DIP2C: variants seen among roughly 807,000 people sequenced by gnomAD.
DIP2C encodes the protein disco-interacting protein 2 homolog C.
DIP2C carries 33 observed loss-of-function variants against 192.4 expected under a neutral mutation model. The ratio of observed to expected loss-of-function variants is 0.17; its 90% CI spans 0.13 to 0.23. The LOEUF is 0.23. Among genes scored for constraint, DIP2C ranks in the 10% least tolerant of loss-of-function variants. The probability of loss-of-function intolerance (pLI) is 1.00; values close to 1 mark genes in which losing one functional copy is unlikely to be tolerated. For synonymous variants in DIP2C, 979 were observed against 864.1 expected (o/e 1.13, Z -2.33); for missense variants, 1,537 against 2,110.1 (o/e 0.73, Z 5.32).
chr10:393,210 G>T (rs1963637861), intron 10 of DIP2C, among the ~76,000 whole-genome samples: 1 of 152,138 alleles, frequency 6.6e-6, no homozygotes, highest in African/African-American at 2.4e-5. Flanking sequence ...TTCTCATCAG[G>T]GTCTTTATTC....
chr10:524,466 C>A (rs1846927304), intron 1 of DIP2C, among the ~76,000 whole-genome samples: 1 of 152,096 alleles, frequency 6.6e-6, no homozygotes, highest in African/African-American at 2.4e-5. Flanking sequence ...TATATACATG[C>A]TTATTTTCCT....
chr10:590,995 T>C (rs1851369085), intron 1 of DIP2C, among the ~76,000 whole-genome samples: 1 of 152,230 alleles, frequency 6.6e-6, no homozygotes, highest in Admixed American at 6.5e-5. Context: ...GGGTGGCACA[T>C]TGGTTCTGAC....
Position 369,480 on chromosome 10 carries a change from C to A in DIP2C, c.2131+14G>T. 3.3e-6 allele frequency: 5 copies of A among 1,527,202 alleles called. No homozygotes were observed. Among genetic ancestry groups the A allele is most frequent in the Non-Finnish European group, 4.4e-6 (5 of 1,135,676 alleles). 94.6% of individuals were successfully genotyped at this position (1,527,202 alleles called of 1,614,324 possible). On this transcript the variant is annotated intron_variant, in intron 18 of 36. Transcript: ENST00000280886. ...ATAACTGGTTAATCTGTGCAGCTCG[C>A]GACCCACACTCACCTCCAGGCATCA...
intron 3 of DIP2C, among the ~76,000 whole-genome samples, chr10:466,239 C>G (rs545490037): frequency 1.3e-5 from 2 of 151,520 alleles, no homozygotes; most frequent in Admixed American, 6.6e-5. Flanking sequence ...ATGCCACATA[C>G]CTACAACTAT....
Position 652,944 on chromosome 10 carries a change from A to C in DIP2C, c.85+36550T>G, listed in dbSNP as rs1856037800. On this transcript the variant is annotated intron_variant, in intron 1 of 36. Coordinates refer to ENST00000280886, the MANE Select transcript of DIP2C (RefSeq NM_014974.3). This position sits in a 1 kb window ranked among gnomAD's most constrained non-coding sequence, Gnocchi z 4.5. ...CGCAGCAGCCACACACTGAGCCATAAACCCTCGCAAGACTGTGGGCATCTC... is the reference window on the plus strand; with the variant it reads ...CGCAGCAGCCACACACTGAGCCATACACCCTCGCAAGACTGTGGGCATCTC... Among the ~76,000 whole-genome samples the C allele has an allele frequency of 6.6e-6, 1 of 151,890 alleles. No homozygotes were observed. The highest frequency in any genetic ancestry group is 6.6e-5 in the Admixed American group (1 of 15,258).
At chr10:287,157 G>C (rs1403627563) in intron 33 of DIP2C, among the ~76,000 whole-genome samples, 3 of 151,920 alleles carry the variant, frequency 2.0e-5, no homozygotes, top group Admixed American at 6.6e-5. Flanking sequence ...GGCTGGAGTG[G>C]CATGATCACA....
chr10:653,294 C>A (rs536656486), intron 1 of DIP2C, among the ~76,000 whole-genome samples: 1 of 151,860 alleles, frequency 6.6e-6, no homozygotes, highest in African/African-American at 2.4e-5. Flanking sequence ...ACTAAAAATA[C>A]AAAATTAGCT....
At chr10:435,283 G>T (rs914950123) in intron 4 of DIP2C, among the ~76,000 whole-genome samples, 1 of 152,184 alleles carries the variant, frequency 6.6e-6, no homozygotes, top group Non-Finnish European at 1.5e-5. Context: ...TAGTTAACTA[G>T]CTTCTCTGGA....
chr10:513,558 C>T (rs916291619), intron 1 of DIP2C, among the ~76,000 whole-genome samples: 124 of 152,164 alleles, frequency 8.1e-4, no homozygotes, highest in Non-Finnish European at 2.1e-4. Flanking sequence ...CACCGTGCCA[C>T]ACCGCGGTCC....
At position 321,111 on chromosome 10, in the gene DIP2C, T is replaced by G. The variant is rs150288770; in HGVS notation, c.3924+5895A>C. 2.1e-3 allele frequency among the ~76,000 whole-genome samples: 321 copies of G among 152,312 alleles called. 1 individual carries two copies. Among genetic ancestry groups the G allele is most frequent in the African/African-American group, 6.9e-3 (286 of 41,572 alleles). ...GATGGTGGGAGGACCAGAGTGCCACTGATAGAGCCGATTTTTGCAAAGTAA... is the reference window on the plus strand; with the variant it reads ...GATGGTGGGAGGACCAGAGTGCCACGGATAGAGCCGATTTTTGCAAAGTAA... On this transcript the variant is annotated intron_variant, in intron 31 of 36. Transcript: ENST00000280886.
intron 29 of DIP2C, among the ~76,000 whole-genome samples, chr10:335,016 A>G (rs1350966825): frequency 3.3e-5 from 5 of 152,352 alleles, no homozygotes; most frequent in South Asian, 2.1e-4. Flanking sequence ...TTGAACCTAT[A>G]AAGCAATGTG....
intron 5 of DIP2C, among the ~76,000 whole-genome samples, chr10:419,664 G>A (rs1248818838): frequency 2.6e-5 from 4 of 152,168 alleles, no homozygotes; most frequent in African/African-American, 4.8e-5. Context: ...GAACAGTAAT[G>A]GCCATGACCG....
chr10:511,560 A>C (rs1266163489), intron 1 of DIP2C, among the ~76,000 whole-genome samples: 2 of 152,170 alleles, frequency 1.3e-5, no homozygotes, highest in African/African-American at 4.8e-5. Context: ...TTCCAGGTTC[A>C]TTTTACCCAT....
chr10:434,355 C>T (rs1026711543), intron 4 of DIP2C, among the ~76,000 whole-genome samples: 11 of 152,232 alleles, frequency 7.2e-5, no homozygotes, highest in East Asian at 5.8e-4. Flanking sequence ...TATAGCTCAC[C>T]GCAGCCTTGA....
rs33930610 is a variant in DIP2C, at chr10:548,208, A to ACCCCC, written c.86-61683_86-61679dup. 3.4e-4 allele frequency among the ~76,000 whole-genome samples: 20 copies of ACCCCC among 58,276 alleles called. 1 individual carries two copies. Among genetic ancestry groups the ACCCCC allele is most frequent in the South Asian group, 7.9e-4 (1 of 1,260 alleles). The allele number at this position is 58,276 out of a possible 152,430, so 38.2% of individuals were successfully genotyped here. A position where few individuals can be genotyped will look rare whatever the true frequency, so the allele number is the denominator to read the frequency against. On this transcript the variant is annotated intron_variant, in intron 1 of 36. Coordinates refer to ENST00000280886, the MANE Select transcript of DIP2C (RefSeq NM_014974.3). Reference sequence around the variant, plus strand: ...AGTCCAATTCACACGAGTCTGCCCCACCCCCCCCCCCACAGGAAAGCCCTG... The same window carrying ACCCCC: ...AGTCCAATTCACACGAGTCTGCCCCACCCCCCCCCCCCCCCCACAGGAAAGCCCTG...
intron 1 of DIP2C, among the ~76,000 whole-genome samples, chr10:640,107 C>T (rs972215495): frequency 3.8e-4 from 58 of 152,306 alleles, no homozygotes; most frequent in African/African-American, 1.3e-3. Flanking sequence ...CTCCCATACC[C>T]GCCACGCCTG....
At chr10:548,941 GAGT>G (rs1848452085) in intron 1 of DIP2C, among the ~76,000 whole-genome samples, 1 of 43,776 alleles carries the variant, frequency 2.3e-5, no homozygotes, top group Admixed American at 1.9e-4. Context: ...AAAAAAAAGT[GAGT>G]AAAGAAAAAA....
intron 30 of DIP2C, among the ~76,000 whole-genome samples, chr10:327,693 C>T (rs1422571834): frequency 6.6e-6 from 1 of 152,150 alleles, no homozygotes; most frequent in African/African-American, 2.4e-5. Context: ...ACCACCACAC[C>T]CAGCCTGAAA....
chr10:443,267 T>C (rs1454971424), intron 3 of DIP2C, among the ~76,000 whole-genome samples: 1 of 152,248 alleles, frequency 6.6e-6, no homozygotes, highest in East Asian at 1.9e-4. Flanking sequence ...TCTAAATCAT[T>C]AGATCTTCTA....
Sources: allele counts gnomAD v4.1 joint callset (sites outside exome capture counted in the v4.1 genomes callset), GRCh38; gene constraint gnomAD v4.1.1; non-coding constraint Gnocchi (gnomAD v3.1); transcripts MANE v1.5; gene names NCBI Gene and HGNC (gene_info 2026-07-23, HGNC 2026-07-21).